Variants in ZSCAN18 observed in about 807,000 individuals in gnomAD.
The protein encoded by ZSCAN18 is zinc finger and SCAN domain containing 18, also known as zinc finger and SCAN domain-containing protein 18.
In ZSCAN18, 16 loss-of-function variants were observed where a neutral mutation model predicts 31.1. The observed-to-expected ratio is 0.51, with a 90% CI of 0.35 to 0.78. The LOEUF is 0.78. ZSCAN18 is among the 30% of genes least tolerant of loss of function. The pLI is 0.01. For missense variants in ZSCAN18, 731 were observed against 697.4 expected (o/e 1.05, Z -0.54); for synonymous variants, 375 against 320.7 (o/e 1.17, Z -1.81).
rs2074555101 is a variant in ZSCAN18, at chr19:58,098,061, C to A, written c.-120+113G>T. The A allele has an allele frequency of 5.1e-6, 5 of 985,452 alleles. No individual in the cohort carries two copies. In the Admixed American group the frequency reaches 1.8e-4, roughly 36 times the overall value. 61.0% of individuals were successfully genotyped at this position (985,452 alleles called of 1,614,324 possible). ...CGCACAGCGGGGGCTCGCACCCCAA[C>A]CCCGGGAACACCCTGGCCCCTTTCC... is the stretch of plus-strand genomic sequence containing the variant. On this transcript the variant is annotated intron_variant, in intron 1 of 6. Transcript: ENST00000601144.
intron 1 of ZSCAN18, among the ~76,000 whole-genome samples, chr19:58,113,547 G>C (rs73939246): frequency 0.011 from 1,726 of 152,196 alleles, 42 homozygotes; most frequent in African/African-American, 0.039. Flanking sequence ...ATTTCATCTT[G>C]TAGCCACCTT....
At chr19:58,104,148 C>T (rs1393031654) in intron 1 of ZSCAN18, among the ~76,000 whole-genome samples, 1 of 151,836 alleles carries the variant, frequency 6.6e-6, no homozygotes, top group Non-Finnish European at 1.5e-5. Flanking sequence ...GGAGGCCAAG[C>T]GGGATGGATC....
upstream of ZSCAN18, among the ~76,000 whole-genome samples, chr19:58,100,160 G>T (rs2074581599): frequency 6.6e-6 from 1 of 151,646 alleles, no homozygotes; most frequent in South Asian, 2.1e-4. Flanking sequence ...TCACTATAAT[G>T]CTAAGGCTGG....
At chr19:58,103,808 C>A (rs76494312) in intron 1 of ZSCAN18, among the ~76,000 whole-genome samples, 1 of 130,314 alleles carries the variant, frequency 7.7e-6, no homozygotes, top group Non-Finnish European at 1.8e-5. Flanking sequence ...GTGTCAAAGA[C>A]AGGCCAAAAC....
At chr19:58,101,519 CTT>C (rs59435037), upstream of ZSCAN18, among the ~76,000 whole-genome samples, 2 of 55,452 alleles carry the variant, frequency 3.6e-5, no homozygotes, top group Admixed American at 3.4e-4. Context: ...TTATCTTCTT[CTT>C]TTTTTTTTTT....
chr19:58,091,575 G>C (rs770461322), intron 1 of ZSCAN18, among the ~76,000 whole-genome samples: 171 of 151,824 alleles, frequency 1.1e-3, no homozygotes, highest in Non-Finnish European at 2.1e-3. Flanking sequence ...ATGACTGAGA[G>C]AGTTCAGGTC....
At chr19:58,088,335 C>T (rs969902965) in intron 3 of ZSCAN18, 5 of 192,612 alleles carry the variant, frequency 2.6e-5, no homozygotes, top group Admixed American at 2.2e-4. Flanking sequence ...CGACCCCAGG[C>T]CCTGATTATG....
At chr19:58,111,652 A>G (rs1303924832) in intron 1 of ZSCAN18, among the ~76,000 whole-genome samples, 1 of 152,162 alleles carries the variant, frequency 6.6e-6, no homozygotes, top group Non-Finnish European at 1.5e-5. Context: ...GGCATGAGCC[A>G]CTATGCCCAG....
At chr19:58,094,871 C>T (rs1050715870) in intron 1 of ZSCAN18, among the ~76,000 whole-genome samples, 8 of 114,090 alleles carry the variant, frequency 7.0e-5, no homozygotes, top group Admixed American at 3.9e-4. Context: ...GAGTGAGACC[C>T]TGTCGCAAAA....
rs186905339 is a variant in ZSCAN18, at chr19:58,097,774, C to T, written c.-120+400G>A. Among the ~76,000 whole-genome samples the T allele has an allele frequency of 5.5e-3, 565 of 103,016 alleles. 4 individuals are homozygous for T. Among genetic ancestry groups the T allele is most frequent in the African/African-American group, 0.02 (528 of 26,798 alleles). The allele number at this position is 103,016 out of a possible 152,430, so 67.6% of individuals were successfully genotyped here. A position where few individuals can be genotyped will look rare whatever the true frequency, so the allele number is the denominator to read the frequency against. On this transcript the variant is annotated intron_variant, in intron 1 of 6. Transcript: ENST00000601144. ...TCCCCCTTTTCGCCCCCCTCAGGAG[C>T]CTTCCCCTCCCCCCTTTCTCCCCCA... is the stretch of plus-strand genomic sequence containing the variant.
chr19:58,084,598 C>T lies in ZSCAN18; in HGVS notation c.*87G>A. 7.6e-7 allele frequency: 1 copy of T among 1,309,502 alleles called. No homozygotes were observed. Among genetic ancestry groups the T allele is most frequent in the Non-Finnish European group, 1.0e-6 (1 of 996,868 alleles). 81.1% of individuals were successfully genotyped at this position (1,309,502 alleles called of 1,614,324 possible). A position where few individuals can be genotyped will look rare whatever the true frequency, so the allele number is the denominator to read the frequency against. On this transcript the variant is annotated 3_prime_UTR_variant, in exon 7 of 7. Coordinates refer to ENST00000601144, the MANE Select transcript of ZSCAN18 (RefSeq NM_001145543.2). This position sits in a 1 kb window ranked among gnomAD's most constrained non-coding sequence, Gnocchi z 4.5. ...CGTCCACAAACACCACAGGAAGCCG[C>T]CACCCAGGGGCGTGGAAAGGCCCAA...
rs1445831661 is a variant in ZSCAN18 at position 58,084,670 on chromosome 19, G to C, written c.*15C>G. The C allele has an allele frequency of 1.4e-6, 2 of 1,477,142 alleles. No individual in the cohort carries two copies. Among genetic ancestry groups the C allele is most frequent in the South Asian group, 1.4e-5 (1 of 71,242 alleles). 91.5% of individuals were successfully genotyped at this position (1,477,142 alleles called of 1,614,324 possible). ...CCGGCAAAGCGGCCCCTCCGGAACG[G>C]GACAGCACAGCGGCTCACCTCTGCG... On this transcript the variant is annotated 3_prime_UTR_variant, in exon 7 of 7. Transcript: ENST00000601144. The surrounding 1 kb of genome is among the most constrained non-coding windows in gnomAD (Gnocchi z 4.5).
intron 5 of ZSCAN18, 115 bp downstream of exon 5, chr19:58,086,791 T>A: frequency 1.4e-6 from 1 of 728,284 alleles, no homozygotes; most frequent in East Asian, 2.6e-5. Context: ...CAAGTTCAAA[T>A]CCTGTAAGAC....
At position 58,098,191 on chromosome 19, in the gene ZSCAN18, C is replaced by G. The variant is rs1436351356; in HGVS notation, c.-137G>C. On this transcript the variant is annotated 5_prime_UTR_variant, in exon 1 of 7. Transcript: ENST00000601144. The stretch of plus-strand genomic sequence containing the variant: ...CGACCCACCTGCTGCGCAGCTACCC[C>G]AGGCCGGTCCCAGCCGCCCGGAGCC... The G allele has an allele frequency of 8.1e-6, 8 of 985,418 alleles. No individual in the cohort carries two copies. The highest frequency in any genetic ancestry group is 8.4e-6 in the Non-Finnish European group (7 of 830,028). 61.0% of individuals were successfully genotyped at this position (985,418 alleles called of 1,614,324 possible).
rs1227087680 is a variant in ZSCAN18 at position 58,090,042 on chromosome 19, G to T, written c.226C>A (p.Gln76Lys). 6.2e-7 allele frequency: 1 copy of T among 1,614,006 alleles called. No homozygotes were observed. ...TLARLHELCR[Q>K]WLMPEARSKE... ...GAGCGCGCCTCAGGCATCAGCCACT[G>T]GCGGCACAGCTCATGCAGCCGGGCC... The change falls in exon 2 of 7, where the codon CAG (glutamine) becomes AAG (lysine). Residue 76 changes from glutamine (Q) to lysine (K), a missense_variant. By Grantham distance (53) the Gln-to-Lys change is moderately conservative. Coordinates refer to ENST00000601144, the MANE Select transcript of ZSCAN18 (RefSeq NM_001145543.2). This position sits in a 1 kb window ranked among gnomAD's most constrained non-coding sequence, Gnocchi z 4.7.
At chr19:58,094,854 G>T (rs1267262106) in intron 1 of ZSCAN18, among the ~76,000 whole-genome samples, 1 of 137,508 alleles carries the variant, frequency 7.3e-6, no homozygotes, top group Non-Finnish European at 1.5e-5. Flanking sequence ...TTGCAGCCTG[G>T]GTAACAGAGT....
At chr19:58,107,394 T>TA (rs144593959) in intron 1 of ZSCAN18, among the ~76,000 whole-genome samples, 26,003 of 151,368 alleles carry the variant, frequency 0.17, 2,763 homozygotes, top group Non-Finnish European at 0.24. Context: ...CTATCTCTAC[T>TA]AAAAAAAATA....
At chr19:58,110,031 C>T (rs2074667713) in intron 1 of ZSCAN18, among the ~76,000 whole-genome samples, 1 of 152,146 alleles carries the variant, frequency 6.6e-6, no homozygotes, top group Admixed American at 6.5e-5. Context: ...CATGTTACCA[C>T]TCACAGAAAA....
At chr19:58,098,254 A>G, upstream of ZSCAN18, 1 of 985,496 alleles carries the variant, frequency 1.0e-6, no homozygotes, top group African/African-American at 1.7e-5. Flanking sequence ...GCGCCTGCGC[A>G]CTGGGCCTCA....
Sources: allele counts gnomAD v4.1 joint callset (sites outside exome capture counted in the v4.1 genomes callset), GRCh38; gene constraint gnomAD v4.1.1; non-coding constraint Gnocchi (gnomAD v3.1); transcripts MANE v1.5; gene names NCBI Gene and HGNC (gene_info 2026-07-23, HGNC 2026-07-21).